The following INPP5B variants were observed in gnomAD, a reference collection of about 807,000 sequenced individuals.
INPP5B encodes inositol polyphosphate-5-phosphatase B, also known as type II inositol 1,4,5-trisphosphate 5-phosphatase.
Under a neutral mutation model 118.5 loss-of-function variants are expected in INPP5B, and 90 were observed. That is an observed-to-expected ratio of 0.76 (90% CI 0.64 to 0.90). The LOEUF (loss-of-function observed/expected upper bound fraction) is 0.90, where lower values mean the gene tolerates loss of function less well. Ranked by LOEUF, INPP5B falls within the 40% of genes least tolerant of loss-of-function variation. The pLI, the probability that INPP5B is intolerant of heterozygous loss-of-function variation, is 0.00. For synonymous variants in INPP5B, 385 were observed against 418.9 expected (o/e 0.92, Z 0.99); for missense variants, 984 against 1,125.6 (o/e 0.87, Z 1.80).
At chr1:37,886,187 AAAC>A (rs1643525342) in intron 12 of INPP5B, among the ~76,000 whole-genome samples, 1 of 151,296 alleles carries the variant, frequency 6.6e-6, no homozygotes, top group Admixed American at 6.6e-5. Flanking sequence ...AAAAACAAAC[AAAC>A]AAAAAAAAAA....
chr1:37,862,050 T>A lies in INPP5B; in HGVS notation c.*265A>T, dbSNP rs928737102. On this transcript the variant is annotated 3_prime_UTR_variant, in exon 24 of 24. Transcript: ENST00000373024. The stretch of plus-strand genomic sequence containing the variant: ...AACTCCGTCTCAAAATAAAAAAAAA[T>A]AAAAAATAAAAAAATCTGTGTTAAA... The A allele has an allele frequency of 4.2e-5, 15 of 353,838 alleles. No homozygotes were observed. The highest frequency in any genetic ancestry group is 2.5e-4 in the African/African-American group (12 of 47,278). 21.9% of individuals were successfully genotyped at this position (353,838 alleles called of 1,614,324 possible).
At chr1:37,883,936 G>A in intron 13 of INPP5B, 1 of 739,210 alleles carries the variant, frequency 1.4e-6, no homozygotes, top group Non-Finnish European at 1.7e-6. Flanking sequence ...TAGACAAAGA[G>A]GAAGTTGTAG....
At chr1:37,863,923 T>C (rs1354631866) in intron 23 of INPP5B, among the ~76,000 whole-genome samples, 2 of 151,258 alleles carry the variant, frequency 1.3e-5, no homozygotes, top group East Asian at 4.0e-4. Flanking sequence ...CAAGCGATTC[T>C]CCTAACTCAG....
intron 7 of INPP5B, among the ~76,000 whole-genome samples, chr1:37,911,137 C>T (rs1441473829): frequency 2.0e-5 from 3 of 152,188 alleles, no homozygotes; most frequent in Admixed American, 6.5e-5. Flanking sequence ...CTTACGTCTG[C>T]GTGTGGTGGC....
intron 6 of INPP5B, among the ~76,000 whole-genome samples, chr1:37,933,642 C>G (rs745423078): frequency 6.6e-6 from 1 of 151,868 alleles, no homozygotes; most frequent in Non-Finnish European, 1.5e-5. Context: ...ATAACCTGAA[C>G]CTGGGAGGTG....
intron 7 of INPP5B, among the ~76,000 whole-genome samples, chr1:37,905,796 T>C (rs572033615): frequency 1.3e-5 from 2 of 152,370 alleles, no homozygotes; most frequent in South Asian, 4.1e-4. Flanking sequence ...AGAAGTTAAC[T>C]GCATGGACTG....
intron 16 of INPP5B, 144 bp from the exon 17 acceptor site, chr1:37,875,860 T>C: frequency 5.3e-5 from 30 of 560,816 alleles, no homozygotes; most frequent in Non-Finnish European, 7.7e-5. Flanking sequence ...ATTAATGAAC[T>C]CCATTAACAA....
Position 37,862,266 on chromosome 1 carries a change from G to A in INPP5B, c.*49C>T, listed in dbSNP as rs1423913682. ...TAAGGCATCTCTTGAGCTGAAACAG[G>A]TGGGGCTGGTAATTGGCAGCCTCAA... On this transcript the variant is annotated 3_prime_UTR_variant, in exon 24 of 24. Transcript: ENST00000373024. 6 of 1,151,956 alleles carry A rather than the reference G, an allele frequency of 5.2e-6. No individual in the cohort carries two copies. Among genetic ancestry groups the A allele is most frequent in the South Asian group, 2.5e-5 (2 of 80,436 alleles). The allele number at this position is 1,151,956 out of a possible 1,614,324, so 71.4% of individuals were successfully genotyped here.
rs4653332 is a variant in INPP5B, at chr1:37,866,127, C to G, written c.2387-239G>C. Among the ~76,000 whole-genome samples, 46,706 of 151,970 alleles carry G rather than the reference C, an allele frequency of 0.31. 7,202 individuals are homozygous for G. Among genetic ancestry groups the G allele is most frequent in the Middle Eastern group, 0.39 (114 of 294 alleles). Reference sequence around the variant, plus strand: ...TCTTAGCCTGGGCAACATGGCGAAACCCTGCCTCTACGAAAAGTTCAAAAA... The same window carrying G: ...TCTTAGCCTGGGCAACATGGCGAAAGCCTGCCTCTACGAAAAGTTCAAAAA... On this transcript the variant is annotated intron_variant, in intron 21 of 23. Transcript: ENST00000373024.
intron 7 of INPP5B, among the ~76,000 whole-genome samples, chr1:37,893,085 C>CTTTTTT (rs71053999): frequency 8.6e-3 from 695 of 81,148 alleles, no homozygotes; most frequent in African/African-American, 0.012. Context: ...TTTTCTTTTT[C>CTTTTTT]TTTTTTTTTT....
At chr1:37,883,669 C>T in intron 13 of INPP5B, 1 of 985,434 alleles carries the variant, frequency 1.0e-6, no homozygotes, top group Non-Finnish European at 1.2e-6. Context: ...ACCTCACAAA[C>T]TAGGATGCTG....
intron 19 of INPP5B, 38 bp downstream of exon 19, chr1:37,872,892 A>C: frequency 6.7e-7 from 1 of 1,493,772 alleles, no homozygotes; most frequent in Admixed American, 1.8e-5. Flanking sequence ...CTTGTCTGCT[A>C]CAAAGTTCTA....
intron 7 of INPP5B, among the ~76,000 whole-genome samples, chr1:37,911,292 C>T (rs1405868896): frequency 6.6e-6 from 1 of 152,182 alleles, no homozygotes; most frequent in Non-Finnish European, 1.5e-5. Flanking sequence ...TTCAGCTATA[C>T]TCACTCTTTG....
chr1:37,941,473 C>T (rs1367329386), intron 5 of INPP5B, among the ~76,000 whole-genome samples: 2 of 151,662 alleles, frequency 1.3e-5, no homozygotes, highest in Non-Finnish European at 2.9e-5. Flanking sequence ...CACAATGAGA[C>T]ACCACCCCCC....
At chr1:37,904,864 CACAACTCCATCTCAAAAAA>C (rs1557678039) in intron 7 of INPP5B, among the ~76,000 whole-genome samples, 4 of 146,982 alleles carry the variant, frequency 2.7e-5, no homozygotes, top group African/African-American at 1.0e-4. Flanking sequence ...GAAACAAGAG[CACAACTCCATCTCAAAAAA>C]AAAAAAAATT....
intron 23 of INPP5B, among the ~76,000 whole-genome samples, chr1:37,863,616 G>A (rs1370009711): frequency 3.3e-5 from 5 of 151,972 alleles, no homozygotes; most frequent in African/African-American, 1.2e-4. Flanking sequence ...TTGAACCCAG[G>A]AGGCAGAGGT....
At chr1:37,927,374 G>A (rs945459049) in intron 7 of INPP5B, among the ~76,000 whole-genome samples, 1 of 152,002 alleles carries the variant, frequency 6.6e-6, no homozygotes, top group African/African-American at 2.4e-5. Context: ...CCAATCTAAA[G>A]TCAGTGCAAG....
At chr1:37,911,054 T>C (rs951147089) in intron 7 of INPP5B, among the ~76,000 whole-genome samples, 1 of 152,192 alleles carries the variant, frequency 6.6e-6, no homozygotes, top group Non-Finnish European at 1.5e-5. Context: ...GTCGGAATTC[T>C]TACACAAGAG....
intron 7 of INPP5B, among the ~76,000 whole-genome samples, chr1:37,916,479 C>T (rs371686375): frequency 6.6e-6 from 1 of 151,020 alleles, no homozygotes; most frequent in Non-Finnish European, 1.5e-5. Context: ...TGCAATGGCA[C>T]GATCTCGGCT....
Sources: gnomAD v4.1 joint callset for allele counts (sites outside exome capture counted in the v4.1 genomes callset) on GRCh38, gnomAD v4.1.1 for gene constraint, MANE v1.5 for transcripts, NCBI Gene and HGNC (gene_info 2026-07-23, HGNC 2026-07-21) for gene names.